MAST2: variants seen among roughly 807,000 people sequenced by gnomAD.
MAST2 encodes microtubule associated serine/threonine kinase 2.
In MAST2, 70 loss-of-function variants were observed where a neutral mutation model predicts 147.4. That is an observed-to-expected ratio of 0.47 (90% CI 0.39 to 0.58). MAST2 has a LOEUF of 0.58. Among genes scored for constraint, MAST2 ranks in the 20% least tolerant of loss-of-function variants. The pLI, the probability that MAST2 is intolerant of heterozygous loss-of-function variation, is 0.00. For synonymous variants in MAST2, 869 were observed against 896.8 expected, an observed-to-expected ratio of 0.97 and a Z score of 0.55; for missense variants, 2,080 against 2,302.3, an observed-to-expected ratio of 0.90 and a Z score of 1.98.
intron 4 of MAST2, among the ~76,000 whole-genome samples, chr1:45,952,633 T>G (rs1411218782): frequency 6.6e-6 from 1 of 152,156 alleles, no homozygotes; most frequent in African/African-American, 2.4e-5. Context: ...GAGTAAGCTT[T>G]TCAACAGCAA....
chr1:45,901,905 A>G (rs948956432), intron 4 of MAST2, among the ~76,000 whole-genome samples: 4 of 152,190 alleles, frequency 2.6e-5, no homozygotes, highest in Non-Finnish European at 5.9e-5. Flanking sequence ...TTCTAGGTAT[A>G]GGATTATGTT....
intron 5 of MAST2, among the ~76,000 whole-genome samples, chr1:45,975,158 A>G (rs541848001): frequency 3.0e-4 from 45 of 152,280 alleles, no homozygotes; most frequent in Non-Finnish European, 5.0e-4. Flanking sequence ...CACAGGGGAC[A>G]GTCAAGTTGC....
intron 4 of MAST2, among the ~76,000 whole-genome samples, chr1:45,941,040 T>A (rs1040166999): frequency 2.6e-5 from 4 of 152,192 alleles, no homozygotes; most frequent in African/African-American, 9.7e-5. Flanking sequence ...TAGATAAAAC[T>A]GGTCTTAAGG....
intron 3 of MAST2, among the ~76,000 whole-genome samples, chr1:45,830,005 C>T (rs1377624388): frequency 6.6e-6 from 1 of 151,348 alleles, no homozygotes; most frequent in African/African-American, 2.4e-5. Context: ...CAGGTGTGCG[C>T]CACCACCCCT....
At chr1:45,819,324 C>T (rs917109424) in intron 1 of MAST2, among the ~76,000 whole-genome samples, 8 of 150,668 alleles carry the variant, frequency 5.3e-5, no homozygotes, top group African/African-American at 1.9e-4. Flanking sequence ...ACCGCAATTA[C>T]GTTTGTACCA....
chr1:45,858,848 C>A (rs538575567), intron 3 of MAST2, among the ~76,000 whole-genome samples: 56 of 152,142 alleles, frequency 3.7e-4, no homozygotes, highest in African/African-American at 1.3e-3. Flanking sequence ...CCAGTTTTCC[C>A]AGCACCATTT....
intron 4 of MAST2, among the ~76,000 whole-genome samples, chr1:45,952,480 A>G (rs1055823696): frequency 2.0e-5 from 3 of 152,228 alleles, no homozygotes; most frequent in Non-Finnish European, 4.4e-5. Context: ...TTGTGAATAT[A>G]CTAAAAATGA....
At chr1:45,940,909 G>A (rs10890375) in intron 4 of MAST2, among the ~76,000 whole-genome samples, 51,547 of 152,006 alleles carry the variant, frequency 0.34, 9,109 homozygotes, top group African/African-American at 0.43. Flanking sequence ...GTGAGCCACC[G>A]CGCCTGGCCT....
chr1:45,934,263 T>A (rs1225169142), intron 4 of MAST2, among the ~76,000 whole-genome samples: 1 of 152,110 alleles, frequency 6.6e-6, no homozygotes, highest in Non-Finnish European at 1.5e-5. Context: ...GGTGGGCGGA[T>A]CATGAGGTCA....
At chr1:45,883,921 G>T (rs201427694) in intron 4 of MAST2, among the ~76,000 whole-genome samples, 1 of 8,024 alleles carries the variant, frequency 1.2e-4, no homozygotes, top group Non-Finnish European at 2.9e-4. Flanking sequence ...TGCCCCCCCC[G>T]CTTTTTTTTG....
chr1:45,832,362 A>G (rs547212413), intron 3 of MAST2, among the ~76,000 whole-genome samples: 4 of 149,378 alleles, frequency 2.7e-5, no homozygotes, highest in Non-Finnish European at 5.9e-5. Flanking sequence ...GTGCAGTGTC[A>G]TGATCTTAGC....
At chr1:45,909,820 C>A (rs1651385151) in intron 4 of MAST2, among the ~76,000 whole-genome samples, 1 of 150,250 alleles carries the variant, frequency 6.7e-6, no homozygotes, top group South Asian at 2.2e-4. Flanking sequence ...CTGGCCCTTT[C>A]TTTTCTTTTT....
intron 21 of MAST2, 129 bp from the exon 22 acceptor site, chr1:46,030,478 A>T: frequency 9.1e-7 from 1 of 1,101,928 alleles, no homozygotes; most frequent in East Asian, 2.6e-5. Context: ...AATATTCAGC[A>T]GGGGTGTGTG....
In MAST2 at chr1:46,010,934, C is replaced by A. The variant is rs531842224; in HGVS notation, c.1183C>A (p.Gln395Lys). The stretch of plus-strand genomic sequence containing the variant: ...TCAAGATAATTTGGAGAAACTTTTA[C>A]AAGATGTGAGTGTCCTTGTGCTGGG... ...ELQDNLEKLLQDAHERSESSE... is the reference protein window; with the variant it reads ...ELQDNLEKLLKDAHERSESSE... Residue 395 changes from glutamine (Q) to lysine (K), a missense_variant, in exon 10 of 29, where the codon CAA (glutamine) becomes AAA (lysine). Gln to Lys is a moderately conservative substitution (Grantham distance 53). Around this residue, in one of 4 missense-constraint regions of MAST2, gnomAD observed 569 missense variants for 642.5 expected, o/e 0.89. Transcript: ENST00000361297. The A allele has an allele frequency of 1.9e-6, 3 of 1,613,552 alleles. No homozygotes were observed. The highest frequency in any genetic ancestry group is 2.7e-5 in the African/African-American group (2 of 75,040).
chr1:45,910,311 T>C (rs1346931475), intron 4 of MAST2, among the ~76,000 whole-genome samples: 3 of 152,138 alleles, frequency 2.0e-5, no homozygotes, highest in Non-Finnish European at 4.4e-5. Context: ...TCATCAAAAA[T>C]ATAAAGCGTA....
chr1:45,964,303 T>C (rs1340000033), intron 5 of MAST2, among the ~76,000 whole-genome samples: 1 of 152,266 alleles, frequency 6.6e-6, no homozygotes, highest in African/African-American at 2.4e-5. Context: ...ACCAGCTCCT[T>C]CTTGTACCTC....
chr1:46,031,316 A>G lies in MAST2; in HGVS notation c.2992+26A>G. The G allele has an allele frequency of 6.5e-7, 1 of 1,548,656 alleles. No homozygotes were observed. The highest frequency in any genetic ancestry group is 1.2e-5 in the South Asian group (1 of 81,522). ...GTATGGCCCAGTGGGCGGCCAAACG[A>G]CCTAAGCTGGAGGATACTGCAGGGC... On this transcript the variant is annotated intron_variant, in intron 23 of 28. Coordinates refer to ENST00000361297, the MANE Select transcript of MAST2 (RefSeq NM_015112.3). The surrounding 1 kb of genome is among the most constrained non-coding windows in gnomAD (Gnocchi z 4.1).
chr1:45,935,431 G>A (rs1656045435), intron 4 of MAST2, among the ~76,000 whole-genome samples: 1 of 152,044 alleles, frequency 6.6e-6, no homozygotes, highest in South Asian at 2.1e-4. Context: ...TGTTTCTGTT[G>A]CAATTGCTTT....
At chr1:45,841,792 G>T (rs1329469646) in intron 3 of MAST2, among the ~76,000 whole-genome samples, 1 of 152,146 alleles carries the variant, frequency 6.6e-6, no homozygotes, top group African/African-American at 2.4e-5. Context: ...TTCCTTAGGG[G>T]TATTTATGGA....
Sources: allele counts gnomAD v4.1 joint callset (sites outside exome capture counted in the v4.1 genomes callset), GRCh38; gene constraint gnomAD v4.1.1; regional missense constraint gnomAD v4.1.1; non-coding constraint Gnocchi (gnomAD v3.1); transcripts MANE v1.5; gene names NCBI Gene and HGNC (gene_info 2026-07-23, HGNC 2026-07-21).